Variants in SAMD8 observed in about 807,000 individuals in gnomAD.
The protein encoded by SAMD8 is sphingomyelin synthase-related protein 1.
In SAMD8, 20 loss-of-function variants were observed where a neutral mutation model predicts 42.0. The observed-to-expected ratio is 0.48, with a 90% CI of 0.34 to 0.69. The LOEUF is 0.69. Among genes scored for constraint, SAMD8 ranks in the 30% least tolerant of loss-of-function variants. SAMD8 has a pLI of 0.01. For synonymous variants in SAMD8, 162 were observed against 173.0 expected (o/e 0.94, Z 0.50); for missense variants, 328 against 511.6 (o/e 0.64, Z 3.46).
In SAMD8 at chr10:75,164,636, CT is replaced by C. The variant is rs1564693776; in HGVS notation, c.579-8del. The C allele has an allele frequency of 6.2e-7, 1 of 1,611,642 alleles. No homozygotes were observed. The highest frequency in any genetic ancestry group is 1.7e-5 in the Admixed American group (1 of 59,482). ...TTCTTCAATTCAAAATCATTTTTTTCTGTTCCAGCGTTCCTAGAATCCCATG... is the reference window on the plus strand; with the variant it reads ...TTCTTCAATTCAAAATCATTTTTTTCGTTCCAGCGTTCCTAGAATCCCATG... On this transcript the variant is annotated splice_polypyrimidine_tract_variant and splice_region_variant and intron_variant, in intron 2 of 5. Coordinates refer to ENST00000542569, the MANE Select transcript of SAMD8 (RefSeq NM_001174156.2).
At chr10:75,139,799 C>A (rs1377712448) in intron 1 of SAMD8, among the ~76,000 whole-genome samples, 8 of 152,094 alleles carry the variant, frequency 5.3e-5, no homozygotes, top group Non-Finnish European at 1.0e-4. Flanking sequence ...TTCCTCTGTC[C>A]CCGACCTAGA....
At chr10:75,120,736 A>C (rs999972427) in intron 1 of SAMD8, among the ~76,000 whole-genome samples, 8 of 145,778 alleles carry the variant, frequency 5.5e-5, no homozygotes, top group Non-Finnish European at 1.2e-4. Flanking sequence ...CAGTTTATGT[A>C]GCTTAATTAC....
rs1224937415 is a variant in SAMD8, at chr10:75,176,688, G to A, written c.1244G>A (p.Gly415Glu). The A allele has an allele frequency of 1.3e-6, 2 of 1,515,428 alleles. No homozygotes were observed. Among genetic ancestry groups the A allele is most frequent in the Non-Finnish European group, 1.8e-6 (2 of 1,129,074 alleles). The allele number at this position is 1,515,428 out of a possible 1,614,324, so 93.9% of individuals were successfully genotyped here. Residue 415 changes from glycine (G) to glutamate (E), a missense_variant, in exon 6 of 6, where the codon GGA (glycine) becomes GAA (glutamate). Around this residue, in one of 2 missense-constraint regions of SAMD8, gnomAD observed 178 missense variants for 325.6 expected, o/e 0.55. Transcript: ENST00000542569. This position sits in a 1 kb window ranked among gnomAD's most constrained non-coding sequence, Gnocchi z 4.3. ...SKPAIMKRLI[G>E] ...CCAGCAATAATGAAAAGACTAATTG[G>A]ATGAATACTATCTTTCTAATGAATT...
intron 2 of SAMD8, among the ~76,000 whole-genome samples, chr10:75,159,983 A>G (rs1589968833): frequency 6.6e-6 from 1 of 152,232 alleles, no homozygotes; most frequent in African/African-American, 2.4e-5. Context: ...GAATGTTTCT[A>G]GAAGCAGGCC....
intron 2 of SAMD8, among the ~76,000 whole-genome samples, chr10:75,153,539 G>A (rs968696301): frequency 1.3e-5 from 2 of 151,614 alleles, no homozygotes; most frequent in Non-Finnish European, 2.9e-5. Context: ...GCTTGAACCT[G>A]GGAGGCAGAG....
At chr10:75,110,834 G>C (rs934658915), upstream of SAMD8, among the ~76,000 whole-genome samples, 2 of 150,384 alleles carry the variant, frequency 1.3e-5, no homozygotes, top group Admixed American at 6.6e-5. Flanking sequence ...TTTTTTTTTT[G>C]AGATGGAGTT....
At chr10:75,124,276 A>G (rs971706973) in intron 1 of SAMD8, among the ~76,000 whole-genome samples, 6 of 151,608 alleles carry the variant, frequency 4.0e-5, no homozygotes, top group African/African-American at 1.5e-4. Context: ...AAGTATGTCT[A>G]CTCCATCTTC....
chr10:75,107,952 A>G, upstream of SAMD8: 1 of 1,573,036 alleles, frequency 6.4e-7, no homozygotes, highest in Non-Finnish European at 8.6e-7. Flanking sequence ...CTCCCCATGA[A>G]TGAGCAAGAT....
Position 75,176,874 on chromosome 10 carries a change from T to A in SAMD8, c.*182T>A, listed in dbSNP as rs1358447949. ...GAAAGAACAATCAAGAGTCCTTATG[T>A]AGCTATTTGAACAGAAAGCTTAAGT... On this transcript the variant is annotated 3_prime_UTR_variant, in exon 6 of 6. Transcript: ENST00000542569. This position sits in a 1 kb window ranked among gnomAD's most constrained non-coding sequence, Gnocchi z 4.3. 14 of 558,232 alleles carry A rather than the reference T, an allele frequency of 2.5e-5. No individual in the cohort carries two copies. The East Asian group carries it at 4.1e-4, about 17-fold the overall frequency. 34.6% of individuals were successfully genotyped at this position (558,232 alleles called of 1,614,324 possible).
At chr10:75,116,820 A>G (rs1331652547) in intron 1 of SAMD8, among the ~76,000 whole-genome samples, 1 of 151,940 alleles carries the variant, frequency 6.6e-6, no homozygotes, top group East Asian at 1.9e-4. Flanking sequence ...ATATTTATTT[A>G]TTTATTTAGA....
chr10:75,105,122 A>G (rs905841247), intron 1 of SAMD8, among the ~76,000 whole-genome samples: 1 of 152,126 alleles, frequency 6.6e-6, no homozygotes, highest in Admixed American at 6.5e-5. Context: ...GCCACCGTGG[A>G]GGCCTGGCCT....
At chr10:75,167,687 G>A (rs1465060989) in intron 3 of SAMD8, among the ~76,000 whole-genome samples, 1 of 152,104 alleles carries the variant, frequency 6.6e-6, no homozygotes, top group Non-Finnish European at 1.5e-5. Flanking sequence ...CCAACTCCCA[G>A]GCCCAAGCAA....
At chr10:75,129,684 C>T (rs932422309) in intron 1 of SAMD8, among the ~76,000 whole-genome samples, 1 of 152,004 alleles carries the variant, frequency 6.6e-6, no homozygotes, top group Non-Finnish European at 1.5e-5. Context: ...CATAACAAAG[C>T]CATTAATGTT....
At position 75,160,335 on chromosome 10, in the gene SAMD8, T is replaced by C. The variant is rs548323696; in HGVS notation, c.579-4310T>C. The stretch of plus-strand genomic sequence containing the variant: ...CCTCAGCCTCCCAAGTAGCTGGGAG[T>C]ACAGGCGCCCGCCACCACGCCAGGC... On this transcript the variant is annotated intron_variant, in intron 2 of 5. Transcript: ENST00000542569. Among the ~76,000 whole-genome samples, 510 of 151,012 alleles carry C rather than the reference T, an allele frequency of 3.4e-3. 2 individuals are homozygous for C. The highest frequency in any genetic ancestry group is 0.011 in the African/African-American group (473 of 41,196).
At chr10:75,150,433 G>A (rs1840260154) in intron 1 of SAMD8, 81 bp from the exon 2 acceptor site, 5 of 1,495,994 alleles carry the variant, frequency 3.3e-6, no homozygotes, top group Admixed American at 2.5e-5. Flanking sequence ...TGTTTCTGGT[G>A]TATTTATGTG....
intron 1 of SAMD8, 128 bp from the exon 2 acceptor site, chr10:75,150,386 T>C: frequency 7.0e-7 from 1 of 1,432,236 alleles, no homozygotes; most frequent in Non-Finnish European, 9.2e-7. Context: ...CCTCCCAAAG[T>C]GCTGGGGATT....
At position 75,150,975 on chromosome 10, in the gene SAMD8, C is replaced by T. The variant is rs112939631; in HGVS notation, c.447C>T (p.Tyr149=). The change falls in exon 2 of 6, where the codon TAC becomes TAT. Residue 149 remains tyrosine (Y), a synonymous_variant. Transcript: ENST00000542569. ...KHSVRRLDPE[Y]WKTILSCIYV... ...CTGTTCGAAGATTGGACCCAGAATA[C>T]TGGAAGACTATACTGAGTTGTATAT... 173 of 1,613,206 alleles carry T rather than the reference C, an allele frequency of 1.1e-4. No individual in the cohort carries two copies. In the African/African-American group the frequency reaches 1.8e-3, roughly 17 times the overall value.
At position 75,176,665 on chromosome 10, in the gene SAMD8, A is replaced by T; in HGVS notation, c.1221A>T (p.Pro407=). ...AATATTGTTGGCCATTTTCAAAACC[A>T]GCAATAATGAAAAGACTAATTGGAT... is the stretch of plus-strand genomic sequence containing the variant. ...PNEYCWPFSK[P]AIMKRLIG The change falls in exon 6 of 6, where the codon CCA becomes CCT. Residue 407 remains proline (P), a synonymous_variant. Transcript: ENST00000542569. The surrounding 1 kb of genome is among the most constrained non-coding windows in gnomAD (Gnocchi z 4.3). 2 of 1,539,482 alleles carry T rather than the reference A, an allele frequency of 1.3e-6. No individual in the cohort carries two copies. The highest frequency in any genetic ancestry group is 1.8e-6 in the Non-Finnish European group (2 of 1,142,252).
rs4746269 is a variant in SAMD8 at position 75,156,598 on chromosome 10, G to C, written c.578+5492G>C. Among the ~76,000 whole-genome samples, 1,512 of 151,814 alleles carry C rather than the reference G, an allele frequency of 1.0e-2. 27 individuals carry two copies. Among genetic ancestry groups the C allele is most frequent in the African/African-American group, 0.035 (1,439 of 41,350 alleles). On this transcript the variant is annotated intron_variant, in intron 2 of 5. Transcript: ENST00000542569. ...GGACAAACAGACATTATGTGCATTG[G>C]ACGTGATGTCCACAGCATCACCTAT... is the stretch of plus-strand genomic sequence containing the variant.
Sources: gnomAD v4.1 joint callset for allele counts (sites outside exome capture counted in the v4.1 genomes callset) on GRCh38, gnomAD v4.1.1 for gene constraint, gnomAD v4.1.1 regional missense constraint, Gnocchi (gnomAD v3.1) non-coding constraint, MANE v1.5 for transcripts, NCBI Gene and HGNC (gene_info 2026-07-23, HGNC 2026-07-21) for gene names.